Variants in COG6 observed in about 807,000 individuals in gnomAD.
The protein encoded by COG6 is conserved oligomeric Golgi complex subunit 6.
In COG6, 74 loss-of-function variants were observed where a neutral mutation model predicts 88.8. The ratio of observed to expected loss-of-function variants is 0.83; its 90% CI spans 0.69 to 1.01. The LOEUF (loss-of-function observed/expected upper bound fraction) is 1.01. COG6 is among the 50% of genes least tolerant of loss of function. COG6 has a pLI of 0.00. For synonymous variants in COG6, 286 were observed against 278.7 expected, an observed-to-expected ratio of 1.03 and a Z score of -0.26; for missense variants, 800 against 797.9, an observed-to-expected ratio of 1.00 and a Z score of -0.03.
intron 8 of COG6, among the ~76,000 whole-genome samples, chr13:39,682,711 T>A (rs1330955001): frequency 6.6e-6 from 1 of 152,126 alleles, no homozygotes; most frequent in Non-Finnish European, 1.5e-5. Flanking sequence ...GGCCCAGGTC[T>A]TTGATCCTGT....
rs572043288 is a variant in COG6, at chr13:39,670,806, T to C, written c.428+5652T>C. Among the ~76,000 whole-genome samples, 3 of 152,208 alleles carry C rather than the reference T, an allele frequency of 2.0e-5. No homozygotes were observed. In the South Asian group the frequency reaches 6.2e-4, roughly 32 times the overall value. ...TTTACTTTCTCAGCCTTTCCCTTTA[T>C]TTCTTACTATTTTAGTTTTTAATAG... is the stretch of plus-strand genomic sequence containing the variant. On this transcript the variant is annotated intron_variant, in intron 4 of 18. Coordinates refer to ENST00000455146, the MANE Select transcript of COG6 (RefSeq NM_020751.3).
intron 16 of COG6, 72 bp downstream of exon 16, chr13:39,723,512 C>G (rs1158873549): frequency 4.5e-6 from 4 of 891,778 alleles, no homozygotes; most frequent in Admixed American, 1.8e-5. Flanking sequence ...GAGCTGCACT[C>G]TGGATTCTTG....
At chr13:39,737,409 G>C (rs1413562924) in intron 18 of COG6, among the ~76,000 whole-genome samples, 1 of 151,878 alleles carries the variant, frequency 6.6e-6, no homozygotes, top group Non-Finnish European at 1.5e-5. Context: ...TCAGGGCAGT[G>C]AGTTTCCCTT....
At chr13:39,760,546 G>A (rs1397772586) in intron 18 of COG6, among the ~76,000 whole-genome samples, 2 of 151,988 alleles carry the variant, frequency 1.3e-5, no homozygotes, top group African/African-American at 4.8e-5. Flanking sequence ...TTACAAAAAA[G>A]AAAATAATTT....
chr13:39,751,840 C>T lies in COG6; in HGVS notation c.*747C>T. The T allele has an allele frequency of 7.8e-7, 1 of 1,287,134 alleles. No homozygotes were observed. The highest frequency in any genetic ancestry group is 1.0e-6 in the Non-Finnish European group (1 of 988,648). The allele number at this position is 1,287,134 out of a possible 1,614,324, so 79.7% of individuals were successfully genotyped here. A position where few individuals can be genotyped will look rare whatever the true frequency, so the allele number is the denominator to read the frequency against. Reference sequence around the variant, plus strand: ...GGTGGAGCTCAGCCTTTCCAATGAGCTCTAAGCATGTAGATAGCCTGAGCT... The same window carrying T: ...GGTGGAGCTCAGCCTTTCCAATGAGTTCTAAGCATGTAGATAGCCTGAGCT... On this transcript the variant is annotated 3_prime_UTR_variant, in exon 19 of 19. Transcript: ENST00000455146.
At chr13:39,775,333 A>T (rs1881433324) in intron 18 of COG6, among the ~76,000 whole-genome samples, 1 of 152,200 alleles carries the variant, frequency 6.6e-6, no homozygotes. Flanking sequence ...CATTCACTGG[A>T]TGTTAGCTCT....
chr13:39,767,005 C>T (rs1566044092), intron 18 of COG6, among the ~76,000 whole-genome samples: 1 of 152,128 alleles, frequency 6.6e-6, no homozygotes, highest in African/African-American at 2.4e-5. Context: ...GTTGACTTGA[C>T]ATGTCTTGTT....
chr13:39,743,647 T>C (rs1880173181), intron 18 of COG6, among the ~76,000 whole-genome samples: 1 of 152,062 alleles, frequency 6.6e-6, no homozygotes, highest in African/African-American at 2.4e-5. Flanking sequence ...CAGGACCAGA[T>C]GGATTCACAG....
intron 18 of COG6, among the ~76,000 whole-genome samples, chr13:39,760,613 A>G (rs911287065): frequency 6.6e-6 from 1 of 152,214 alleles, no homozygotes; most frequent in Non-Finnish European, 1.5e-5. Flanking sequence ...AAACCATAAT[A>G]GAATTTGCAT....
In COG6 at chr13:39,677,463, T is replaced by TA; in HGVS notation, c.429-4dup. 6.4e-7 allele frequency: 1 copy of TA among 1,567,878 alleles called. No individual in the cohort carries two copies. Among genetic ancestry groups the TA allele is most frequent in the South Asian group, 1.1e-5 (1 of 90,194 alleles). On this transcript the variant is annotated splice_region_variant and splice_polypyrimidine_tract_variant and intron_variant, in intron 4 of 18. Transcript: ENST00000455146. ...GATTTTTATTGCTTGTTTTGAAAAT[T>TA]ACAGCCAAAAATTAGAGATAAGAGC...
chr13:39,740,166 T>C (rs1262819108), intron 18 of COG6, among the ~76,000 whole-genome samples: 4 of 152,186 alleles, frequency 2.6e-5, no homozygotes, highest in African/African-American at 9.7e-5. Flanking sequence ...GGTTAATCTG[T>C]AAATAACTCC....
intron 18 of COG6, among the ~76,000 whole-genome samples, chr13:39,766,505 TTC>T (rs1384745564): frequency 6.6e-6 from 1 of 151,984 alleles, no homozygotes; most frequent in African/African-American, 2.4e-5. Flanking sequence ...TGAAATCTGG[TTC>T]TGTCATTTCC....
Position 39,659,444 on chromosome 13 carries a change from T to C in COG6, c.234T>C (p.Asp78=). The change falls in exon 2 of 19, where the codon GAT becomes GAC. Residue 78 remains aspartate (D), a synonymous_variant. Coordinates refer to ENST00000455146, the MANE Select transcript of COG6 (RefSeq NM_020751.3). The part of the protein sequence containing the change: ...SLRTRRNLRG[D]IERKSLAINE... ...GGACTCGAAGAAATTTACGTGGAGA[T>C]ATTGAACGTAAAAGTTTAGCCATCA... 1 of 1,613,336 alleles carries C rather than the reference T, an allele frequency of 6.2e-7. No homozygotes were observed. Among genetic ancestry groups the C allele is most frequent in the Non-Finnish European group, 8.5e-7 (1 of 1,179,428 alleles).
chr13:39,662,623 AG>A (rs1566168905), intron 3 of COG6, among the ~76,000 whole-genome samples: 1 of 152,228 alleles, frequency 6.6e-6, no homozygotes, highest in Non-Finnish European at 1.5e-5. Context: ...ACTATAATCA[AG>A]ATACAGAACA....
Position 39,659,637 on chromosome 13 carries a change from T to C in COG6, c.297+130T>C, listed in dbSNP as rs144131145. ...ACTATGCCCAAATAGAAAGCTTAGCTAATTTCTCTTGCTGCATCTAGATCT... is the reference window on the plus strand; with the variant it reads ...ACTATGCCCAAATAGAAAGCTTAGCCAATTTCTCTTGCTGCATCTAGATCT... On this transcript the variant is annotated intron_variant, in intron 2 of 18. Transcript: ENST00000455146. 10 of 707,260 alleles carry C rather than the reference T, an allele frequency of 1.4e-5. No individual in the cohort carries two copies. In the Admixed American group the frequency reaches 2.6e-4, roughly 18 times the overall value. 43.8% of individuals were successfully genotyped at this position (707,260 alleles called of 1,614,324 possible).
At chr13:39,689,504 ATTTAT>A (rs910541882) in intron 10 of COG6, among the ~76,000 whole-genome samples, 7 of 152,156 alleles carry the variant, frequency 4.6e-5, no homozygotes, top group Non-Finnish European at 7.4e-5. Context: ...ACAAAGAAAT[ATTTAT>A]TTTATTAACT....
At chr13:39,766,427 G>A (rs376693610) in intron 18 of COG6, among the ~76,000 whole-genome samples, 3 of 152,024 alleles carry the variant, frequency 2.0e-5, no homozygotes, top group African/African-American at 7.2e-5. Flanking sequence ...GTCACCCCTG[G>A]CCCATTCCCA....
chr13:39,713,986 C>T (rs902619041), intron 13 of COG6, among the ~76,000 whole-genome samples: 1 of 152,150 alleles, frequency 6.6e-6, no homozygotes, highest in African/African-American at 2.4e-5. Flanking sequence ...AAAAACACCT[C>T]ATAGAATGGC....
At chr13:39,686,167 A>T (rs564993444) in intron 8 of COG6, among the ~76,000 whole-genome samples, 1 of 152,232 alleles carries the variant, frequency 6.6e-6, no homozygotes, top group African/African-American at 2.4e-5. Context: ...TTTTGTTTAT[A>T]TATAGGTTAT....
Sources: gnomAD v4.1 joint callset for allele counts (sites outside exome capture counted in the v4.1 genomes callset) on GRCh38, gnomAD v4.1.1 for gene constraint, MANE v1.5 for transcripts, NCBI Gene and HGNC (gene_info 2026-07-23, HGNC 2026-07-21) for gene names.